Variants in EEIG2 observed in about 807,000 individuals in gnomAD.
The protein encoded by EEIG2 is EEIG family member 2.
chr1:108,579,770 T>TGAGAGAGAGAGAGAGAGAGAGAGAGA, the EEIG2 span, among the ~76,000 whole-genome samples: 105 of 23,156 alleles, frequency 4.5e-3, no homozygotes, highest in South Asian at 0.022. Context: ...TGTGTGTGTG[T>TGAGAGAGAGAGAGAGAGAGAGAGAGA]GTGAGAGAGA....
At chr1:108,602,244 C>G in the EEIG2 span, among the ~76,000 whole-genome samples, 1 of 152,140 alleles carries the variant, frequency 6.6e-6, no homozygotes, top group Non-Finnish European at 1.5e-5. Context: ...TTTCCTAGGA[C>G]TGCTATAAAT....
the EEIG2 span, among the ~76,000 whole-genome samples, chr1:108,597,451 C>T: frequency 6.6e-6 from 1 of 152,190 alleles, no homozygotes; most frequent in East Asian, 1.9e-4. Context: ...TCTGTTTCAT[C>T]TTATCAGGAG....
chr1:108,561,239 G>T, the EEIG2 span, among the ~76,000 whole-genome samples: 1 of 152,192 alleles, frequency 6.6e-6, no homozygotes, highest in Non-Finnish European at 1.5e-5. Flanking sequence ...CCAGAGAGAG[G>T]CATTAGCAGG....
the EEIG2 span, among the ~76,000 whole-genome samples, chr1:108,570,562 A>G: frequency 0.14 from 21,321 of 152,212 alleles, 2,267 homozygotes; most frequent in African/African-American, 0.3. Flanking sequence ...AAGGAATGGG[A>G]GAGGAAGCTG....
chr1:108,614,134 C>T, the EEIG2 span, among the ~76,000 whole-genome samples: 1 of 144,294 alleles, frequency 6.9e-6, no homozygotes, highest in African/African-American at 2.6e-5. Context: ...GTCTATCCAG[C>T]TTAAATTTCA....
At chr1:108,609,280 A>G in the EEIG2 span, among the ~76,000 whole-genome samples, 17 of 152,254 alleles carry the variant, frequency 1.1e-4, no homozygotes, top group Non-Finnish European at 2.1e-4. Flanking sequence ...TGAACAAAAC[A>G]GACAAATCCC....
chr1:108,629,501 G>T, the EEIG2 span: 1 of 967,296 alleles, frequency 1.0e-6, no homozygotes, highest in Admixed American at 2.3e-5. Flanking sequence ...ATAAACAATT[G>T]TAAAATATGA....
At chr1:108,613,120 A>G in the EEIG2 span, among the ~76,000 whole-genome samples, 1 of 152,264 alleles carries the variant, frequency 6.6e-6, no homozygotes, top group Non-Finnish European at 1.5e-5. Flanking sequence ...CTGGAAAGAA[A>G]GGTGGGACAG....
chr1:108,561,900 A>T, the EEIG2 span, among the ~76,000 whole-genome samples: 1 of 152,206 alleles, frequency 6.6e-6, no homozygotes, highest in Non-Finnish European at 1.5e-5. Flanking sequence ...GACGCCAGGC[A>T]GTTAGACTGG....
chr1:108,578,019 C>G, the EEIG2 span, among the ~76,000 whole-genome samples: 3 of 149,440 alleles, frequency 2.0e-5, no homozygotes, highest in African/African-American at 7.4e-5. Flanking sequence ...CTTCACATCC[C>G]TTGTAAGTTG....
the EEIG2 span, chr1:108,636,929 T>A: frequency 6.6e-6 from 1 of 152,204 alleles, no homozygotes; most frequent in Non-Finnish European, 1.5e-5. Context: ...TTTCAAAATA[T>A]TATTTCTAGG....
At chr1:108,561,583 G>A in the EEIG2 span, among the ~76,000 whole-genome samples, 1 of 152,126 alleles carries the variant, frequency 6.6e-6, no homozygotes. Context: ...CTAGAAACTT[G>A]TCTTTGGGGC....
the EEIG2 span, among the ~76,000 whole-genome samples, chr1:108,592,108 A>C: frequency 3.1e-4 from 47 of 152,336 alleles, no homozygotes; most frequent in African/African-American, 1.1e-3. Flanking sequence ...AGGAAGATAG[A>C]TCTGAGCGGG....
the EEIG2 span, among the ~76,000 whole-genome samples, chr1:108,605,946 C>T: frequency 1.3e-5 from 2 of 152,102 alleles, no homozygotes; most frequent in Non-Finnish European, 2.9e-5. Context: ...AGTGAGTCCA[C>T]AACACTTTTT....
At chr1:108,619,717 T>C in the EEIG2 span, among the ~76,000 whole-genome samples, 31 of 152,238 alleles carry the variant, frequency 2.0e-4, no homozygotes, top group African/African-American at 7.5e-4. Flanking sequence ...TGAAACCCTG[T>C]CTCTACCAAA....
At chr1:108,635,889 A>C in the EEIG2 span, 3 of 152,248 alleles carry the variant, frequency 2.0e-5, no homozygotes, top group African/African-American at 7.2e-5. Flanking sequence ...AATAAGTTTA[A>C]CACTTACTGT....
the EEIG2 span, among the ~76,000 whole-genome samples, chr1:108,581,054 G>C: frequency 6.6e-6 from 1 of 152,148 alleles, no homozygotes; most frequent in Non-Finnish European, 1.5e-5. Context: ...GTTGAAGCCA[G>C]TGGTCACTTA....
At chr1:108,596,451 T>C in the EEIG2 span, among the ~76,000 whole-genome samples, 3 of 152,088 alleles carry the variant, frequency 2.0e-5, no homozygotes. Flanking sequence ...ATCCTTGCAA[T>C]GTTTGTCACT....
the EEIG2 span, among the ~76,000 whole-genome samples, chr1:108,575,490 G>A: frequency 2.3e-4 from 35 of 152,094 alleles, no homozygotes; most frequent in African/African-American, 8.2e-4. Context: ...AAAATATAAT[G>A]TCACACAAAA....
Sources: allele counts gnomAD v4.1 joint callset (sites outside exome capture counted in the v4.1 genomes callset), GRCh38; gene constraint gnomAD v4.1.1; transcripts MANE v1.5; gene names NCBI Gene and HGNC (gene_info 2026-07-23, HGNC 2026-07-21).